EGFR: variants seen among roughly 807,000 people sequenced by gnomAD.
EGFR encodes the protein avian erythroblastic leukemia viral (v-erb-b) oncogene homolog.
Under a neutral mutation model 143.0 loss-of-function variants are expected in EGFR, and 58 were observed. That is an observed-to-expected ratio of 0.41 (90% CI 0.33 to 0.50). The LOEUF is 0.50. Among genes scored for constraint, EGFR ranks in the 20% least tolerant of loss-of-function variants. The pLI is 0.39. For synonymous variants in EGFR, 613 were observed against 594.4 expected (o/e 1.03, Z -0.45); for missense variants, 1,307 against 1,579.0 (o/e 0.83, Z 2.92).
In EGFR at chr7:55,041,157, A is replaced by G. The variant is rs1334021424; in HGVS notation, c.88+21792A>G. Among the ~76,000 whole-genome samples the G allele has an allele frequency of 1.3e-5, 2 of 152,232 alleles. 1 individual carries two copies. On this transcript the variant is annotated intron_variant, in intron 1 of 27. Transcript: ENST00000275493. ...TCCAGGCGCAGTGGCTCATGCCTTT[A>G]ATCCCAGCACTTTGGGAGTCTGAGG...
intron 19 of EGFR, among the ~76,000 whole-genome samples, chr7:55,176,721 G>A (rs9642565): frequency 0.33 from 49,002 of 149,882 alleles, 8,532 homozygotes; most frequent in East Asian, 0.62. Flanking sequence ...CAAAAAAATA[G>A]TTAGATATAA....
At chr7:55,098,179 A>G (rs970908465) in intron 1 of EGFR, among the ~76,000 whole-genome samples, 16 of 152,350 alleles carry the variant, frequency 1.1e-4, no homozygotes, top group Non-Finnish European at 1.9e-4. Context: ...AAGACAGGGA[A>G]AAAATGAGGG....
At chr7:55,035,260 T>C (rs1787490175) in intron 1 of EGFR, among the ~76,000 whole-genome samples, 1 of 152,218 alleles carries the variant, frequency 6.6e-6, no homozygotes, top group African/African-American at 2.4e-5. Context: ...TGTTATTCAC[T>C]TTCAAAACAC....
At chr7:55,020,226 G>A (rs1325971151) in intron 1 of EGFR, among the ~76,000 whole-genome samples, 1 of 152,206 alleles carries the variant, frequency 6.6e-6, no homozygotes, top group Non-Finnish European at 1.5e-5. Flanking sequence ...ACCTCCCGGG[G>A]ACCCCAGCTC....
intron 22 of EGFR, 150 bp downstream of exon 22, chr7:55,192,991 A>G: frequency 2.5e-6 from 2 of 791,728 alleles, no homozygotes; most frequent in Non-Finnish European, 4.2e-6. Context: ...TATCTATTGT[A>G]CTGAGAAAAC....
chr7:55,068,107 C>G (rs1411771008), intron 1 of EGFR, among the ~76,000 whole-genome samples: 1 of 144,372 alleles, frequency 6.9e-6, no homozygotes, highest in South Asian at 2.1e-4. Flanking sequence ...TATGTGTGTG[C>G]CTGTGTGTGT....
intron 1 of EGFR, among the ~76,000 whole-genome samples, chr7:55,020,867 A>G (rs1043533520): frequency 3.3e-5 from 5 of 150,620 alleles, no homozygotes; most frequent in African/African-American, 1.2e-4. Flanking sequence ...CTTGCTGCAC[A>G]TTGGAATTAC....
intron 1 of EGFR, among the ~76,000 whole-genome samples, chr7:55,107,334 A>G (rs1221782051): frequency 1.3e-5 from 2 of 152,238 alleles, no homozygotes; most frequent in Non-Finnish European, 2.9e-5. Context: ...TGTTCCCTCA[A>G]TCAAGAAAAA....
chr7:55,153,219 G>A (rs1049873251), intron 6 of EGFR, among the ~76,000 whole-genome samples: 1 of 152,158 alleles, frequency 6.6e-6, no homozygotes, highest in Admixed American at 6.5e-5. Context: ...TGCCCTCAAG[G>A]GGTCCTGAAG....
At position 55,020,295 on chromosome 7, in the gene EGFR, AC is replaced by A. The variant is rs1786469682; in HGVS notation, c.88+931del. ...CTCCTTCGATGGCCGCCTCGCGGAG[AC>A]GTCCGGGTCTGCTCCACCTGCAGCC... On this transcript the variant is annotated intron_variant, in intron 1 of 27. Transcript: ENST00000275493. Among the ~76,000 whole-genome samples the A allele has an allele frequency of 6.6e-5, 10 of 152,272 alleles. No homozygotes were observed. The South Asian group carries it at 2.1e-3, about 32-fold the overall frequency.
intron 1 of EGFR, among the ~76,000 whole-genome samples, chr7:55,095,095 T>G (rs1392119121): frequency 1.3e-5 from 2 of 152,210 alleles, no homozygotes; most frequent in Non-Finnish European, 2.9e-5. Context: ...GGATTCTCCC[T>G]GACGCTAGCA....
intron 1 of EGFR, among the ~76,000 whole-genome samples, chr7:55,095,100 C>T (rs1419124634): frequency 1.7e-4 from 26 of 152,180 alleles, no homozygotes; most frequent in Non-Finnish European, 2.4e-4. Flanking sequence ...CTCCCTGACG[C>T]TAGCACAGCT....
intron 5 of EGFR, 145 bp from the exon 6 acceptor site, chr7:55,152,401 G>T (rs528156232): frequency 1.2e-6 from 1 of 813,498 alleles, no homozygotes; most frequent in South Asian, 1.3e-5. Context: ...AAAGGGCATG[G>T]TTTGACTTAG....
At chr7:55,091,811 T>C (rs1426788014) in intron 1 of EGFR, among the ~76,000 whole-genome samples, 1 of 148,694 alleles carries the variant, frequency 6.7e-6, no homozygotes, top group Non-Finnish European at 1.5e-5. Flanking sequence ...AGAGGGCATC[T>C]CGTAGAGCAA....
At chr7:55,094,693 G>T (rs1791337857) in intron 1 of EGFR, among the ~76,000 whole-genome samples, 1 of 152,226 alleles carries the variant, frequency 6.6e-6, no homozygotes, top group Non-Finnish European at 1.5e-5. Context: ...GGACATCACA[G>T]ATCCACTTTG....
Position 55,202,586 on chromosome 7 carries a change from A to T in EGFR, c.3232A>T (p.Thr1078Ser), listed in dbSNP as rs751342391. The T allele has an allele frequency of 1.9e-6, 3 of 1,613,544 alleles. No homozygotes were observed. The highest frequency in any genetic ancestry group is 2.5e-6 in the Non-Finnish European group (3 of 1,179,734). The change falls in exon 27 of 28, where the codon ACT becomes TCT. Residue 1078 changes from threonine (T) to serine (S), a missense_variant. Thr to Ser is a moderately conservative substitution (Grantham distance 58). This residue lies in a region of EGFR where 313 missense variants were observed against 312.3 expected (regional missense o/e 1.00). Coordinates refer to ENST00000275493, the MANE Select transcript of EGFR (RefSeq NM_005228.5). ...CAGCTCAGACCCCACAGGCGCCTTG[A>T]CTGAGGACAGCATAGACGACACCTT... ...RYSSDPTGAL[T>S]EDSIDDTFLP...
rs78265656 is a variant in EGFR at position 55,047,257 on chromosome 7, G to T, written c.88+27892G>T. On this transcript the variant is annotated intron_variant, in intron 1 of 27. Coordinates refer to ENST00000275493, the MANE Select transcript of EGFR (RefSeq NM_005228.5). ...CTGCCTTGAGTGGTGGTTACACAAGGCCAGCCCTGGGGGTATCACCCAGAA... is the reference window on the plus strand; with the variant it reads ...CTGCCTTGAGTGGTGGTTACACAAGTCCAGCCCTGGGGGTATCACCCAGAA... 6.3e-3 allele frequency among the ~76,000 whole-genome samples: 962 copies of T among 152,308 alleles called. 11 individuals are homozygous for T. Among genetic ancestry groups the T allele is most frequent in the African/African-American group, 0.021 (891 of 41,584 alleles).
chr7:55,089,696 A>G (rs1360719501), intron 1 of EGFR, among the ~76,000 whole-genome samples: 3 of 152,208 alleles, frequency 2.0e-5, no homozygotes, highest in Non-Finnish European at 4.4e-5. Flanking sequence ...AGTTGTCTCA[A>G]AAATGTGTTT....
rs2128976186 is a variant in EGFR, at chr7:55,206,853, G to C, written c.*1236G>C. Reference sequence around the variant, plus strand: ...AGCACTTACAGCTCTGGCCACAACAGGGCATTTTACAGGTGCGAATGACAG... The same window carrying C: ...AGCACTTACAGCTCTGGCCACAACACGGCATTTTACAGGTGCGAATGACAG... On this transcript the variant is annotated 3_prime_UTR_variant, in exon 28 of 28. Transcript: ENST00000275493. The C allele has an allele frequency of 4.3e-6, 1 of 233,206 alleles. No individual in the cohort carries two copies. The highest frequency in any genetic ancestry group is 2.2e-5 in the African/African-American group (1 of 45,424). The allele number at this position is 233,206 out of a possible 1,614,324, so 14.4% of individuals were successfully genotyped here.
Sources: allele counts gnomAD v4.1 joint callset (sites outside exome capture counted in the v4.1 genomes callset), GRCh38; gene constraint gnomAD v4.1.1; regional missense constraint gnomAD v4.1.1; transcripts MANE v1.5; gene names NCBI Gene and HGNC (gene_info 2026-07-23, HGNC 2026-07-21).